The following LUZP2 variants were observed in gnomAD, a reference collection of about 807,000 sequenced individuals.
LUZP2 encodes the protein leucine zipper protein 2.
LUZP2 carries 52 observed loss-of-function variants against 51.6 expected under a neutral mutation model. The observed-to-expected ratio is 1.01, with a 90% confidence interval of 0.81 to 1.27. LUZP2 has a LOEUF of 1.27. LUZP2 is among the 50% of genes most tolerant of loss of function. The pLI is 0.00. For missense variants in LUZP2, 436 were observed against 395.4 expected (o/e 1.10, Z -0.87); for synonymous variants, 154 against 137.3 (o/e 1.12, Z -0.85).
rs549761326 is a variant in LUZP2, at chr11:24,645,422, G to C, written c.63-83747G>C. Among the ~76,000 whole-genome samples the C allele has an allele frequency of 7.2e-5, 11 of 152,192 alleles. No homozygotes were observed. In the East Asian group the frequency reaches 1.5e-3, roughly 21 times the overall value. On this transcript the variant is annotated intron_variant, in intron 1 of 11. Transcript: ENST00000336930. ...ATGGTATTGAACATGCAGTCTTATA[G>C]TCACTCATGTTCCTTTAAAATATAG... is the stretch of plus-strand genomic sequence containing the variant.
rs532735193 is a variant in LUZP2, at chr11:24,573,453, TA to T, written c.62+76154del. ...CAAAGTTTTCATGAGGATTACCTTTTAAAAAATGCATTTAAAGCACTTACTA... is the reference window on the plus strand; with the variant it reads ...CAAAGTTTTCATGAGGATTACCTTTTAAAAATGCATTTAAAGCACTTACTA... On this transcript the variant is annotated intron_variant, in intron 1 of 11. Transcript: ENST00000336930. Among the ~76,000 whole-genome samples the T allele has an allele frequency of 2.1e-3, 324 of 151,404 alleles. 3 individuals carry two copies. Among genetic ancestry groups the T allele is most frequent in the African/African-American group, 7.5e-3 (312 of 41,378 alleles).
At chr11:24,954,905 A>G (rs969858256) in intron 7 of LUZP2, among the ~76,000 whole-genome samples, 4 of 152,076 alleles carry the variant, frequency 2.6e-5, no homozygotes, top group African/African-American at 9.7e-5. Flanking sequence ...GATCTGAGGA[A>G]TGAGTAGGAA....
chr11:24,543,823 C>CAAAAA (rs71041774), intron 1 of LUZP2, among the ~76,000 whole-genome samples: 8,061 of 75,476 alleles, frequency 0.11, 1,362 homozygotes, highest in Admixed American at 0.15. Flanking sequence ...CTCTGTCTCA[C>CAAAAA]AAAAAAAAAA....
At chr11:24,936,675 C>A (rs1211775602) in intron 7 of LUZP2, among the ~76,000 whole-genome samples, 1 of 151,930 alleles carries the variant, frequency 6.6e-6, no homozygotes, top group Non-Finnish European at 1.5e-5. Context: ...GTGTGTTTTT[C>A]CCCATGGTCC....
At chr11:24,607,586 G>T (rs546309141) in intron 1 of LUZP2, among the ~76,000 whole-genome samples, 3 of 151,540 alleles carry the variant, frequency 2.0e-5, no homozygotes, top group African/African-American at 7.3e-5. Context: ...TAGTGCCTTC[G>T]ACTGTTATTC....
chr11:24,924,967 T>G (rs1218455937), intron 7 of LUZP2, among the ~76,000 whole-genome samples: 2 of 152,210 alleles, frequency 1.3e-5, no homozygotes, highest in South Asian at 2.1e-4. Context: ...TCTATCAAAC[T>G]TATGGTGCCA....
rs1042057229 is a variant in LUZP2 at position 25,079,599 on chromosome 11, A to T, written c.*941A>T. The T allele has an allele frequency of 4.6e-5, 7 of 152,210 alleles. No individual in the cohort carries two copies. Among genetic ancestry groups the T allele is most frequent in the Non-Finnish European group, 7.4e-5 (5 of 68,018 alleles). 9.4% of individuals were successfully genotyped at this position (152,210 alleles called of 1,614,324 possible). A position where few individuals can be genotyped will look rare whatever the true frequency, so the allele number is the denominator to read the frequency against. Reference sequence around the variant, plus strand: ...AACAAATCAATGGCAGTGTTAATCCATAAGAGTTCTGATTTTCTATAGGAA... The same window carrying T: ...AACAAATCAATGGCAGTGTTAATCCTTAAGAGTTCTGATTTTCTATAGGAA... On this transcript the variant is annotated 3_prime_UTR_variant, in exon 12 of 12. Transcript: ENST00000336930.
At chr11:25,018,334 C>T (rs1209501874) in intron 9 of LUZP2, among the ~76,000 whole-genome samples, 1 of 152,152 alleles carries the variant, frequency 6.6e-6, no homozygotes, top group East Asian at 1.9e-4. Context: ...GGGACTTCCT[C>T]CTTTCCAAAC....
intron 1 of LUZP2, among the ~76,000 whole-genome samples, chr11:24,623,635 C>T (rs1200539368): frequency 1.3e-5 from 2 of 152,050 alleles, no homozygotes; most frequent in Non-Finnish European, 2.9e-5. Context: ...TACCTAAAGT[C>T]GGGAGTTGGA....
At chr11:24,952,316 C>T (rs956176005) in intron 7 of LUZP2, among the ~76,000 whole-genome samples, 1 of 151,468 alleles carries the variant, frequency 6.6e-6, no homozygotes, top group Non-Finnish European at 1.5e-5. Context: ...AATGTTGGCA[C>T]GTGTTTTTGC....
rs1014091406 is a variant in LUZP2, at chr11:24,959,732, A to G, written c.523-16859A>G. ...TTTGACTTCCTCTTTTCCTAATTGA[A>G]TACCCTTTATTTCCTTCACCTGCCT... On this transcript the variant is annotated intron_variant, in intron 7 of 11. Transcript: ENST00000336930. Among the ~76,000 whole-genome samples the G allele has an allele frequency of 1.1e-4, 17 of 152,260 alleles. 1 individual carries two copies. The highest frequency in any genetic ancestry group is 4.1e-4 in the African/African-American group (17 of 41,564).
chr11:24,497,190 C>A lies in LUZP2; in HGVS notation c.-54C>A. On this transcript the variant is annotated 5_prime_UTR_variant, in exon 1 of 12. Coordinates refer to ENST00000336930, the MANE Select transcript of LUZP2 (RefSeq NM_001009909.4). Reference sequence around the variant, plus strand: ...CCGGGCACCAAGGAGCGACAGGATCCCGAAGAGAGAGAGAGAAGGCAGCGA... The same window carrying A: ...CCGGGCACCAAGGAGCGACAGGATCACGAAGAGAGAGAGAGAAGGCAGCGA... 1 of 1,482,116 alleles carries A rather than the reference C, an allele frequency of 6.7e-7. No homozygotes were observed. The highest frequency in any genetic ancestry group is 2.6e-5 in the East Asian group (1 of 38,630). 91.8% of individuals were successfully genotyped at this position (1,482,116 alleles called of 1,614,324 possible). A position where few individuals can be genotyped will look rare whatever the true frequency, so the allele number is the denominator to read the frequency against.
chr11:24,739,448 T>C (rs905908289), intron 4 of LUZP2, among the ~76,000 whole-genome samples: 1 of 152,088 alleles, frequency 6.6e-6, no homozygotes, highest in African/African-American at 2.4e-5. Context: ...ACTTCTCACC[T>C]CTGAGACGTT....
At chr11:24,666,051 C>G (rs1261206506) in intron 1 of LUZP2, among the ~76,000 whole-genome samples, 1 of 152,022 alleles carries the variant, frequency 6.6e-6, no homozygotes, top group East Asian at 1.9e-4. Context: ...ACATTTGAAA[C>G]TCAAAAAATT....
rs772482066 is a variant in LUZP2 at position 24,732,131 on chromosome 11, A to G, written c.194A>G (p.Asp65Gly). The change falls in exon 3 of 12, where the codon GAT (aspartate) becomes GGT (glycine). Residue 65 changes from aspartate (D) to glycine (G), a missense_variant. Coordinates refer to ENST00000336930, the MANE Select transcript of LUZP2 (RefSeq NM_001009909.4). ...TTTTCTTATCAGTCCTTAAAAAACG[A>G]TGAGCAGTCTGCCAAAACTGATGTT... ...IKVNLQSLKNDEQSAKTDVQK... is the reference protein window; with the variant it reads ...IKVNLQSLKNGEQSAKTDVQK... The G allele has an allele frequency of 1.2e-6, 2 of 1,608,850 alleles. No homozygotes were observed. Among genetic ancestry groups the G allele is most frequent in the Non-Finnish European group, 1.7e-6 (2 of 1,176,752 alleles).
intron 7 of LUZP2, among the ~76,000 whole-genome samples, chr11:24,936,119 A>G (rs976043142): frequency 1.3e-5 from 2 of 152,192 alleles, no homozygotes; most frequent in Admixed American, 1.3e-4. Flanking sequence ...GATATTGAAT[A>G]GAAAGTTGCT....
intron 1 of LUZP2, among the ~76,000 whole-genome samples, chr11:24,500,085 A>G (rs1849947632): frequency 6.6e-6 from 1 of 152,178 alleles, no homozygotes; most frequent in East Asian, 1.9e-4. Context: ...GCAACTTTAG[A>G]TGCTGAAGCA....
chr11:25,030,078 A>T (rs1230824269), intron 9 of LUZP2, among the ~76,000 whole-genome samples: 1 of 152,056 alleles, frequency 6.6e-6, no homozygotes, highest in Non-Finnish European at 1.5e-5. Context: ...CTTGTCCTAA[A>T]TTTTGTGTTT....
chr11:25,081,626 G>T lies in LUZP2; in HGVS notation c.*2968G>T, dbSNP rs1484908406. 6.6e-6 allele frequency: 1 copy of T among 152,098 alleles called. No homozygotes were observed. Among genetic ancestry groups the T allele is most frequent in the Non-Finnish European group, 1.5e-5 (1 of 68,016 alleles). The allele number at this position is 152,098 out of a possible 1,614,324, so 9.4% of individuals were successfully genotyped here. ...TACATTTGTGAATGTGTCTATGAGA[G>T]AGGGGCCATTTCTCACATATTTTAA... On this transcript the variant is annotated 3_prime_UTR_variant, in exon 12 of 12. Transcript: ENST00000336930.
Sources: allele counts gnomAD v4.1 joint callset (sites outside exome capture counted in the v4.1 genomes callset), GRCh38; gene constraint gnomAD v4.1.1; transcripts MANE v1.5; gene names NCBI Gene and HGNC (gene_info 2026-07-23, HGNC 2026-07-21).